Variants in DIS3L2 observed in about 807,000 individuals in gnomAD.
DIS3L2 encodes the protein DIS3-like exonuclease 2.
In DIS3L2, 34 loss-of-function variants were observed where a neutral mutation model predicts 97.5. The observed-to-expected ratio is 0.35, with a 90% CI of 0.27 to 0.46. The LOEUF (loss-of-function observed/expected upper bound fraction) is 0.46. Ranked by LOEUF, DIS3L2 falls within the 20% of genes least tolerant of loss-of-function variation. The pLI, the probability that DIS3L2 is intolerant of heterozygous loss-of-function variation, is 1.00. For synonymous variants in DIS3L2, 435 were observed against 445.2 expected, an observed-to-expected ratio of 0.98 and a Z score of 0.29; for missense variants, 1,038 against 1,146.0, an observed-to-expected ratio of 0.91 and a Z score of 1.36.
At chr2:232,289,069 G>A (rs757193003) in intron 13 of DIS3L2, among the ~76,000 whole-genome samples, 7 of 151,944 alleles carry the variant, frequency 4.6e-5, no homozygotes, top group Non-Finnish European at 8.8e-5. Context: ...TTGGTGGCGT[G>A]GGGGAGGGAG....
chr2:232,146,089 G>A (rs1340408164), intron 8 of DIS3L2, among the ~76,000 whole-genome samples: 1 of 152,058 alleles, frequency 6.6e-6, no homozygotes, highest in Non-Finnish European at 1.5e-5. Context: ...AAATGATCTG[G>A]GTATATGCTT....
rs1465479013 is a variant in DIS3L2 at position 232,037,067 on chromosome 2, C to T, written c.366+6987C>T. Among the ~76,000 whole-genome samples, 2 of 152,224 alleles carry T rather than the reference C, an allele frequency of 1.3e-5. No homozygotes were observed. Among genetic ancestry groups the T allele is most frequent in the Non-Finnish European group, 2.9e-5 (2 of 68,044 alleles). On this transcript the variant is annotated intron_variant, in intron 5 of 20. Transcript: ENST00000325385. The surrounding 1 kb of genome is among the most constrained non-coding windows in gnomAD (Gnocchi z 4.6). ...CCCTTAGCAGAGCTAGAGCGCTGTG[C>T]TGGGAGATCTGCTGCTCTCTTCAGA...
At chr2:232,096,087 CTT>C (rs907872880) in intron 6 of DIS3L2, among the ~76,000 whole-genome samples, 1 of 140,044 alleles carries the variant, frequency 7.1e-6, no homozygotes, top group African/African-American at 2.6e-5. Flanking sequence ...GGGTAGTTGT[CTT>C]TTTTTTTTTT....
intron 5 of DIS3L2, among the ~76,000 whole-genome samples, chr2:232,078,942 G>T (rs917593933): frequency 2.0e-5 from 3 of 152,198 alleles, no homozygotes; most frequent in Non-Finnish European, 4.4e-5. Context: ...ATGCTTTTTG[G>T]AGTAGGTCTT....
At chr2:231,966,724 G>C (rs924572016) in intron 1 of DIS3L2, among the ~76,000 whole-genome samples, 11 of 118,060 alleles carry the variant, frequency 9.3e-5, no homozygotes, top group African/African-American at 3.0e-4. Flanking sequence ...GAAACTCTTG[G>C]CCTCAAGTGA....
At chr2:232,134,684 G>T (rs527299503) in intron 7 of DIS3L2, among the ~76,000 whole-genome samples, 2 of 152,224 alleles carry the variant, frequency 1.3e-5, no homozygotes, top group South Asian at 4.1e-4. Flanking sequence ...AATTAGCCAG[G>T]CGTGGTGACT....
At chr2:232,223,816 C>T (rs1484070436) in intron 10 of DIS3L2, among the ~76,000 whole-genome samples, 1 of 152,202 alleles carries the variant, frequency 6.6e-6, no homozygotes, top group Non-Finnish European at 1.5e-5. Context: ...GCATGGGCCA[C>T]AGTGGCTCAC....
At chr2:232,296,123 T>C (rs1383009776) in intron 13 of DIS3L2, among the ~76,000 whole-genome samples, 1 of 152,214 alleles carries the variant, frequency 6.6e-6, no homozygotes, top group African/African-American at 2.4e-5. Context: ...GAACTCAAAC[T>C]CTTCTCCCAA....
chr2:232,212,174 CT>C (rs1667431921), intron 10 of DIS3L2, among the ~76,000 whole-genome samples: 1 of 152,216 alleles, frequency 6.6e-6, no homozygotes, highest in African/African-American at 2.4e-5. Context: ...TTAGCAATCT[CT>C]GTTGCATGCA....
At chr2:232,331,192 G>A (rs73092148) in intron 16 of DIS3L2, among the ~76,000 whole-genome samples, 529 of 122,688 alleles carry the variant, frequency 4.3e-3, no homozygotes, top group East Asian at 0.012. Context: ...GGAAAGAAGC[G>A]GACTTGGCCG....
intron 10 of DIS3L2, among the ~76,000 whole-genome samples, chr2:232,236,718 A>G (rs1692942899): frequency 6.6e-6 from 1 of 152,132 alleles, no homozygotes; most frequent in African/African-American, 2.4e-5. Context: ...CTCTCTGCCC[A>G]TTGTATATCT....
chr2:231,975,136 T>C (rs1693044674), intron 1 of DIS3L2, among the ~76,000 whole-genome samples: 1 of 152,112 alleles, frequency 6.6e-6, no homozygotes, highest in Non-Finnish European at 1.5e-5. Context: ...GATGGGACTT[T>C]TCAGCTTTAG....
At chr2:232,013,152 T>C (rs148689806) in intron 1 of DIS3L2, among the ~76,000 whole-genome samples, 4 of 152,202 alleles carry the variant, frequency 2.6e-5, no homozygotes, top group African/African-American at 9.7e-5. Context: ...GCCTCTTCTT[T>C]TCAGTGTCCT....
chr2:232,066,828 A>C (rs1337509415), intron 5 of DIS3L2, among the ~76,000 whole-genome samples: 1 of 151,934 alleles, frequency 6.6e-6, no homozygotes, highest in Non-Finnish European at 1.5e-5. Context: ...AAGGCTTTTA[A>C]ATTTTTCTGT....
At chr2:232,298,600 G>C (rs907674131) in intron 13 of DIS3L2, among the ~76,000 whole-genome samples, 3 of 152,122 alleles carry the variant, frequency 2.0e-5, no homozygotes, top group Non-Finnish European at 4.4e-5. Flanking sequence ...AACCATTCCT[G>C]TGAGTTCCTT....
At chr2:232,113,857 A>G (rs1020561970) in intron 6 of DIS3L2, among the ~76,000 whole-genome samples, 1 of 152,222 alleles carries the variant, frequency 6.6e-6, no homozygotes, top group Non-Finnish European at 1.5e-5. Context: ...CAAGTTAGGC[A>G]CAAGATTAGA....
chr2:232,192,436 G>T (rs982956398), intron 9 of DIS3L2, among the ~76,000 whole-genome samples: 3 of 152,060 alleles, frequency 2.0e-5, no homozygotes, highest in African/African-American at 7.2e-5. Flanking sequence ...TTAAAAAAAA[G>T]TTGATTAAAA....
intron 13 of DIS3L2, among the ~76,000 whole-genome samples, chr2:232,282,088 C>G (rs1694303281): frequency 6.6e-6 from 1 of 150,702 alleles, no homozygotes; most frequent in Admixed American, 6.6e-5. Flanking sequence ...TGCTTGCACC[C>G]TCCCTCCTCA....
intron 3 of DIS3L2, among the ~76,000 whole-genome samples, chr2:232,017,437 T>G (rs1359365678): frequency 6.6e-6 from 1 of 152,196 alleles, no homozygotes; most frequent in African/African-American, 2.4e-5. Flanking sequence ...TCCCTGGATT[T>G]ATTTGACAAG....
Sources: gnomAD v4.1 joint callset for allele counts (sites outside exome capture counted in the v4.1 genomes callset) on GRCh38, gnomAD v4.1.1 for gene constraint, Gnocchi (gnomAD v3.1) non-coding constraint, MANE v1.5 for transcripts, NCBI Gene and HGNC (gene_info 2026-07-23, HGNC 2026-07-21) for gene names.